Variants in MTCL1 observed in about 807,000 individuals in gnomAD.
The protein encoded by MTCL1 is microtubule cross-linking factor 1.
A neutral mutation model predicts 141.4 loss-of-function variants in MTCL1; 79 were observed. The ratio of observed to expected loss-of-function variants is 0.56; its 90% CI spans 0.47 to 0.67. MTCL1 has a LOEUF of 0.67. Among genes scored for constraint, MTCL1 ranks in the 30% least tolerant of loss-of-function variants. MTCL1 has a pLI of 0.00. For missense variants in MTCL1, 2,177 were observed against 2,113.9 expected (o/e 1.03, Z -0.59); for synonymous variants, 914 against 875.8 (o/e 1.04, Z -0.77).
At chr18:8,740,586 G>A (rs1490913080) in intron 4 of MTCL1, among the ~76,000 whole-genome samples, 2 of 152,086 alleles carry the variant, frequency 1.3e-5, no homozygotes, top group Non-Finnish European at 2.9e-5. Flanking sequence ...GGGTTCAAGC[G>A]ATTTTCCTGC....
intron 1 of MTCL1, among the ~76,000 whole-genome samples, chr18:8,707,932 A>G (rs926786070): frequency 6.6e-6 from 1 of 152,344 alleles, no homozygotes; most frequent in Middle Eastern, 3.4e-3. Flanking sequence ...CCTTGTGGTT[A>G]TTTTACTTTG....
chr18:8,783,881 C>T (rs574768211), exon 6 of MTCL1: 2 of 1,613,166 alleles, frequency 1.2e-6, no homozygotes, highest in African/African-American at 1.3e-5. Context: ...GGACCACGCA[C>T]CCAGCATTCC....
intron 4 of MTCL1, among the ~76,000 whole-genome samples, chr18:8,742,495 G>C (rs2096309944): frequency 6.6e-6 from 1 of 152,232 alleles, no homozygotes; most frequent in Admixed American, 6.5e-5. Flanking sequence ...GGAGAAGTGA[G>C]AGCTGAGCAA....
intron 4 of MTCL1, among the ~76,000 whole-genome samples, chr18:8,768,257 A>G (rs959285070): frequency 1.2e-4 from 18 of 152,222 alleles, no homozygotes; most frequent in African/African-American, 4.3e-4. Context: ...GGTGCATTTG[A>G]AAATAAATGG....
chr18:8,795,371 A>G (rs1420677035), intron 8 of MTCL1, among the ~76,000 whole-genome samples: 2 of 152,250 alleles, frequency 1.3e-5, no homozygotes, highest in African/African-American at 2.4e-5. Context: ...TTATTGGCCT[A>G]TGGAACACAA....
intron 8 of MTCL1, among the ~76,000 whole-genome samples, chr18:8,794,618 G>A (rs1220103357): frequency 6.6e-6 from 1 of 152,220 alleles, no homozygotes; most frequent in Non-Finnish European, 1.5e-5. Context: ...TGCCCAGCAT[G>A]AGTCAGTTGG....
chr18:8,786,620 G>A (rs2096556975), intron 7 of MTCL1: 1 of 330,860 alleles, frequency 3.0e-6, no homozygotes, highest in African/African-American at 2.2e-5. Context: ...CAGTAACCCG[G>A]TATACACAAG....
exon 1 of MTCL1, chr18:8,706,236 G>C: frequency 1.6e-6 from 2 of 1,227,868 alleles, no homozygotes; most frequent in Non-Finnish European, 1.0e-6. Context: ...CGGTGACCTC[G>C]GTGGCCGGGT....
chr18:8,765,820 T>C (rs2096457168), intron 4 of MTCL1, among the ~76,000 whole-genome samples: 2 of 152,228 alleles, frequency 1.3e-5, no homozygotes, highest in Admixed American at 1.3e-4. Flanking sequence ...ATGTGAGGTC[T>C]GTCCCAGCAG....
chr18:8,754,198 A>C (rs1325612708), intron 4 of MTCL1, among the ~76,000 whole-genome samples: 1 of 152,094 alleles, frequency 6.6e-6, no homozygotes, highest in Non-Finnish European at 1.5e-5. Context: ...AGCCTCCTGC[A>C]TAGCTGGGAT....
intron 8 of MTCL1, among the ~76,000 whole-genome samples, chr18:8,795,608 T>C (rs760005140): frequency 6.6e-4 from 101 of 152,350 alleles, no homozygotes; most frequent in African/African-American, 2.3e-3. Flanking sequence ...CTAAGAGATA[T>C]GCACATCTAA....
At chr18:8,750,540 T>C (rs16954072) in intron 4 of MTCL1, among the ~76,000 whole-genome samples, 2,258 of 152,106 alleles carry the variant, frequency 0.015, 51 homozygotes, top group African/African-American at 0.051. Context: ...TGGCTGGAGG[T>C]GCAGAGGAAG....
At chr18:8,706,487 C>A (rs182991633) in exon 1 of MTCL1, 24,443 of 1,270,194 alleles carry the variant, frequency 0.019, 306 homozygotes, top group Middle Eastern at 0.045. Flanking sequence ...CCCCTCGCCG[C>A]GGGCGCCTGT....
chr18:8,741,331 A>C (rs1268235761), intron 4 of MTCL1, among the ~76,000 whole-genome samples: 1 of 152,250 alleles, frequency 6.6e-6, no homozygotes, highest in Non-Finnish European at 1.5e-5. Flanking sequence ...CTTTGGTTTC[A>C]GTCATTCATC....
At chr18:8,732,161 T>G (rs188480752) in intron 4 of MTCL1, among the ~76,000 whole-genome samples, 2 of 152,304 alleles carry the variant, frequency 1.3e-5, no homozygotes, top group African/African-American at 4.8e-5. Flanking sequence ...CATGGCTCAC[T>G]GCAGCCTTGA....
intron 12 of MTCL1, among the ~76,000 whole-genome samples, chr18:8,817,932 G>A (rs2076711916): frequency 6.6e-6 from 1 of 152,196 alleles, no homozygotes; most frequent in African/African-American, 2.4e-5. Flanking sequence ...TCAGAAGAAT[G>A]GAGTGGAAGC....
chr18:8,789,339 C>T, intron 7 of MTCL1: 1 of 930,368 alleles, frequency 1.1e-6, no homozygotes, highest in Non-Finnish European at 1.3e-6. Context: ...AAATGGAACC[C>T]TCCAGAAAAT....
chr18:8,714,631 G>A (rs1198540722), upstream of MTCL1, among the ~76,000 whole-genome samples: 1 of 152,114 alleles, frequency 6.6e-6, no homozygotes, highest in Non-Finnish European at 1.5e-5. Flanking sequence ...TCTCTCTTGA[G>A]ACTTACTCAC....
chr18:8,825,974 T>G, exon 15 of MTCL1: 1 of 1,597,832 alleles, frequency 6.3e-7, no homozygotes, highest in Non-Finnish European at 8.5e-7. Context: ...CAGGCACCAA[T>G]TCCCGAGGAA....
Sources: allele counts gnomAD v4.1 joint callset (sites outside exome capture counted in the v4.1 genomes callset), GRCh38; gene constraint gnomAD v4.1.1; transcripts MANE v1.5; gene names NCBI Gene and HGNC (gene_info 2026-07-23, HGNC 2026-07-21).